The following CNTNAP2 variants were observed in gnomAD, a reference collection of about 807,000 sequenced individuals.
CNTNAP2 encodes the protein contactin-associated protein-like 2.
In CNTNAP2, 98 loss-of-function variants were observed where a neutral mutation model predicts 155.2. The ratio of observed to expected loss-of-function variants is 0.63; its 90% CI spans 0.54 to 0.75. The LOEUF (loss-of-function observed/expected upper bound fraction) is 0.75. CNTNAP2 is among the 30% of genes least tolerant of loss of function. The pLI, the probability that CNTNAP2 is intolerant of heterozygous loss-of-function variation, is 0.00. For missense variants in CNTNAP2, 1,727 were observed against 1,688.1 expected (o/e 1.02, Z -0.40); for synonymous variants, 651 against 631.2 (o/e 1.03, Z -0.47).
intron 8 of CNTNAP2, among the ~76,000 whole-genome samples, chr7:147,193,587 A>G (rs1364299045): frequency 6.6e-6 from 1 of 152,202 alleles, no homozygotes; most frequent in African/African-American, 2.4e-5. Context: ...TTGAGGGAAC[A>G]TGGAGACTAT....
chr7:146,212,784 T>C (rs2116885298), intron 1 of CNTNAP2, among the ~76,000 whole-genome samples: 1 of 152,322 alleles, frequency 6.6e-6, no homozygotes, highest in Middle Eastern at 3.4e-3. Context: ...CATGGGGCCC[T>C]TATAGACACA....
intron 1 of CNTNAP2, among the ~76,000 whole-genome samples, chr7:146,523,834 C>G (rs1430705760): frequency 6.6e-6 from 1 of 152,080 alleles, no homozygotes; most frequent in African/African-American, 2.4e-5. Flanking sequence ...TATTATCCAG[C>G]CACCAGTCTA....
intron 8 of CNTNAP2, among the ~76,000 whole-genome samples, chr7:147,222,741 C>T (rs1018123405): frequency 6.6e-6 from 1 of 151,112 alleles, no homozygotes; most frequent in African/African-American, 2.4e-5. Flanking sequence ...TTCTACAGTA[C>T]TCTGATTAGG....
chr7:146,442,437 T>G (rs543751520), intron 1 of CNTNAP2, among the ~76,000 whole-genome samples: 85 of 146,644 alleles, frequency 5.8e-4, no homozygotes, highest in Middle Eastern at 3.4e-3. Context: ...CCATTTGGGG[T>G]GTGTGTGTGT....
At chr7:148,201,518 AC>A (rs1488482607) in intron 18 of CNTNAP2, among the ~76,000 whole-genome samples, 24 of 152,332 alleles carry the variant, frequency 1.6e-4, no homozygotes, top group African/African-American at 2.9e-4. Context: ...TTGTAAAAAA[AC>A]GTGACTGAAT....
intron 3 of CNTNAP2, among the ~76,000 whole-genome samples, chr7:146,932,551 A>G (rs1302751244): frequency 1.3e-5 from 2 of 151,956 alleles, no homozygotes; most frequent in Non-Finnish European, 2.9e-5. Flanking sequence ...CTCTCTCACC[A>G]CTCCTATTCA....
At chr7:146,482,207 A>AG (rs1239410691) in intron 1 of CNTNAP2, among the ~76,000 whole-genome samples, 2 of 47,178 alleles carry the variant, frequency 4.2e-5, no homozygotes, top group Non-Finnish European at 9.0e-5. Flanking sequence ...TAAGAATTAG[A>AG]AAAAAAAAAA....
intron 1 of CNTNAP2, among the ~76,000 whole-genome samples, chr7:146,212,453 C>G (rs1562991852): frequency 6.6e-6 from 1 of 152,052 alleles, no homozygotes. Flanking sequence ...GGTATGTACC[C>G]TACCTTTAAT....
At chr7:147,781,813 G>C (rs1410161221) in intron 13 of CNTNAP2, among the ~76,000 whole-genome samples, 1 of 152,066 alleles carries the variant, frequency 6.6e-6, no homozygotes, top group Admixed American at 6.5e-5. Flanking sequence ...CACGAGGTCA[G>C]GAGATCGAGA....
At chr7:146,341,874 G>A (rs923364779) in intron 1 of CNTNAP2, among the ~76,000 whole-genome samples, 3 of 152,196 alleles carry the variant, frequency 2.0e-5, no homozygotes, top group African/African-American at 7.2e-5. Flanking sequence ...TTTTGGGGTA[G>A]GTTTGGCAGG....
At chr7:146,743,445 A>G (rs1642569560) in intron 1 of CNTNAP2, among the ~76,000 whole-genome samples, 1 of 152,222 alleles carries the variant, frequency 6.6e-6, no homozygotes, top group Admixed American at 6.5e-5. Flanking sequence ...CTTATTACAA[A>G]CTAGTGATTC....
intron 4 of CNTNAP2, among the ~76,000 whole-genome samples, chr7:147,068,400 C>G (rs1799824738): frequency 6.6e-6 from 1 of 152,076 alleles, no homozygotes; most frequent in Non-Finnish European, 1.5e-5. Context: ...CTCTGTCGCC[C>G]AGGCTGAAGT....
chr7:147,757,320 G>A (rs898919997), intron 13 of CNTNAP2, among the ~76,000 whole-genome samples: 1 of 152,052 alleles, frequency 6.6e-6, no homozygotes, highest in African/African-American at 2.4e-5. Context: ...TTTAAAGAAC[G>A]CTTTTTTCTG....
chr7:147,341,614 A>T (rs899898979), intron 9 of CNTNAP2, among the ~76,000 whole-genome samples: 5 of 152,018 alleles, frequency 3.3e-5, no homozygotes, highest in African/African-American at 1.2e-4. Flanking sequence ...AAAATATCTG[A>T]TATGAGCTGA....
intron 13 of CNTNAP2, among the ~76,000 whole-genome samples, chr7:147,805,092 A>G (rs1798068718): frequency 6.7e-6 from 1 of 148,778 alleles, no homozygotes; most frequent in African/African-American, 2.5e-5. Flanking sequence ...TTTTTTTGAG[A>G]CGGAGCCTGA....
At chr7:148,088,260 C>A (rs1157454547) in intron 15 of CNTNAP2, among the ~76,000 whole-genome samples, 1 of 151,664 alleles carries the variant, frequency 6.6e-6, no homozygotes, top group Non-Finnish European at 1.5e-5. Flanking sequence ...TACTTCAAAC[C>A]CTTAATAAAA....
chr7:146,984,828 A>T (rs1798088002), intron 3 of CNTNAP2, among the ~76,000 whole-genome samples: 1 of 152,180 alleles, frequency 6.6e-6, no homozygotes, highest in Non-Finnish European at 1.5e-5. Flanking sequence ...ATAAATCAGT[A>T]TTGAGGTCTG....
chr7:146,672,917 A>G (rs1800333990), intron 1 of CNTNAP2, among the ~76,000 whole-genome samples: 1 of 152,114 alleles, frequency 6.6e-6, no homozygotes, highest in Non-Finnish European at 1.5e-5. Context: ...TTTATTTTGT[A>G]ACTTAAATGT....
chr7:147,712,062 G>A (rs1025843126), intron 13 of CNTNAP2, among the ~76,000 whole-genome samples: 24 of 152,086 alleles, frequency 1.6e-4, no homozygotes, highest in African/African-American at 5.5e-4. Flanking sequence ...TATCCTTCAG[G>A]TAGGTAAGAC....
Sources: allele counts gnomAD v4.1 joint callset (sites outside exome capture counted in the v4.1 genomes callset), GRCh38; gene constraint gnomAD v4.1.1; transcripts MANE v1.5; gene names NCBI Gene and HGNC (gene_info 2026-07-23, HGNC 2026-07-21).